Variants in SLC24A3 observed in about 807,000 individuals in gnomAD.
SLC24A3 encodes the protein solute carrier family 24 member 3.
SLC24A3 carries 28 observed loss-of-function variants against 75.8 expected under a neutral mutation model. The ratio of observed to expected loss-of-function variants is 0.37; its 90% CI spans 0.27 to 0.51. The LOEUF is 0.51. Among genes scored for constraint, SLC24A3 ranks in the 20% least tolerant of loss-of-function variants. The probability of loss-of-function intolerance (pLI) is 0.94; values close to 1 mark genes in which losing one functional copy is unlikely to be tolerated. For missense variants in SLC24A3, 663 were observed against 847.8 expected (o/e 0.78, Z 2.71); for synonymous variants, 372 against 334.1 (o/e 1.11, Z -1.24).
chr20:19,625,166 A>C (rs998395048), intron 6 of SLC24A3, among the ~76,000 whole-genome samples: 1 of 152,128 alleles, frequency 6.6e-6, no homozygotes, highest in Admixed American at 6.5e-5. Flanking sequence ...CCTATGAATT[A>C]AAGCAAGATA....
intron 6 of SLC24A3, among the ~76,000 whole-genome samples, chr20:19,602,506 C>T (rs902046185): frequency 3.3e-5 from 5 of 152,162 alleles, no homozygotes; most frequent in African/African-American, 9.7e-5. Context: ...TTTAAAGCTT[C>T]GAAACCACAG....
intron 3 of SLC24A3, among the ~76,000 whole-genome samples, chr20:19,551,242 AC>A (rs1480366041): frequency 6.6e-6 from 1 of 152,190 alleles, no homozygotes; most frequent in Non-Finnish European, 1.5e-5. Flanking sequence ...CATGGAATAA[AC>A]CAGGAAGGCA....
rs576018943 is a variant in SLC24A3 at position 19,604,522 on chromosome 20, T to A, written c.612+18978T>A. ...GGGTCCTGGGGCCTTGGTGAGCAGTTTAGTTGCAATTAGGACAATGATCTA... is the reference window on the plus strand; with the variant it reads ...GGGTCCTGGGGCCTTGGTGAGCAGTATAGTTGCAATTAGGACAATGATCTA... On this transcript the variant is annotated intron_variant, in intron 6 of 16. Transcript: ENST00000328041. Among the ~76,000 whole-genome samples, 3 of 152,226 alleles carry A rather than the reference T, an allele frequency of 2.0e-5. No homozygotes were observed. In the South Asian group the frequency reaches 6.2e-4, roughly 32 times the overall value.
At position 19,539,345 on chromosome 20, in the gene SLC24A3, T is replaced by C. The variant is rs553207840; in HGVS notation, c.348+23781T>C. ...CTCTGGGCAGCAGCTGAAGGTGAAA[T>C]CCTATGCTGGATTTCAGCTGGGGGC... On this transcript the variant is annotated intron_variant, in intron 3 of 16. Transcript: ENST00000328041. Among the ~76,000 whole-genome samples, 7 of 152,120 alleles carry C rather than the reference T, an allele frequency of 4.6e-5. No individual in the cohort carries two copies. In the South Asian group the frequency reaches 1.5e-3, roughly 32 times the overall value.
intron 3 of SLC24A3, among the ~76,000 whole-genome samples, chr20:19,572,738 G>A (rs2031072622): frequency 6.6e-6 from 1 of 152,106 alleles, no homozygotes; most frequent in South Asian, 2.1e-4. Context: ...CTGTGAGACT[G>A]ATCATTTCTC....
intron 3 of SLC24A3, among the ~76,000 whole-genome samples, chr20:19,547,363 T>C (rs1308450177): frequency 6.6e-6 from 1 of 152,174 alleles, no homozygotes; most frequent in Non-Finnish European, 1.5e-5. Flanking sequence ...TAATCATTGG[T>C]GACCTGAAGA....
chr20:19,708,412 C>T (rs1461027877), intron 15 of SLC24A3, among the ~76,000 whole-genome samples: 2 of 152,186 alleles, frequency 1.3e-5, no homozygotes, highest in Non-Finnish European at 2.9e-5. Context: ...TCATTCTCAC[C>T]TTGTATGGCA....
intron 6 of SLC24A3, among the ~76,000 whole-genome samples, chr20:19,624,239 T>A (rs1213790824): frequency 6.6e-6 from 1 of 152,190 alleles, no homozygotes; most frequent in African/African-American, 2.4e-5. Context: ...CCTTGGCCTC[T>A]AAAGGTCATT....
chr20:19,575,763 T>G (rs1433466114), intron 3 of SLC24A3, among the ~76,000 whole-genome samples: 2 of 152,190 alleles, frequency 1.3e-5, no homozygotes, highest in Non-Finnish European at 2.9e-5. Flanking sequence ...TGTCTCATAT[T>G]TTGTAGTGCA....
At chr20:19,527,674 A>T (rs1458502887) in intron 3 of SLC24A3, among the ~76,000 whole-genome samples, 1 of 152,220 alleles carries the variant, frequency 6.6e-6, no homozygotes, top group Non-Finnish European at 1.5e-5. Context: ...GCAAAGATCC[A>T]GGGACAGCAG....
chr20:19,693,271 A>T lies in SLC24A3; in HGVS notation c.1337A>T (p.Glu446Val), dbSNP rs2032767726. The stretch of plus-strand genomic sequence containing the variant: ...TTCATTTTTCCAGCGGGTAAACTGG[A>T]AACAGTGAAATGGGCGTTCACCTGG... ...TPFDTPSGKL[E>V]TVKWAFTWPL... The change falls in exon 13 of 17, where the codon GAA becomes GTA. Residue 446 changes from glutamate (E) to valine (V), a missense_variant. This residue lies in a region of SLC24A3 where 510 missense variants were observed against 703.6 expected (regional missense o/e 0.72). Coordinates refer to ENST00000328041, the MANE Select transcript of SLC24A3 (RefSeq NM_020689.4). 6.2e-7 allele frequency: 1 copy of T among 1,611,298 alleles called. No individual in the cohort carries two copies. Among genetic ancestry groups the T allele is most frequent in the African/African-American group, 1.3e-5 (1 of 74,728 alleles).
chr20:19,632,114 C>T (rs561771180), intron 6 of SLC24A3, among the ~76,000 whole-genome samples: 2 of 152,270 alleles, frequency 1.3e-5, no homozygotes, highest in Admixed American at 1.3e-4. Context: ...AACCTTTCTT[C>T]TCTCAGGAAA....
chr20:19,340,296 G>C (rs899258548), intron 2 of SLC24A3, among the ~76,000 whole-genome samples: 1 of 152,174 alleles, frequency 6.6e-6, no homozygotes, highest in Admixed American at 6.5e-5. Flanking sequence ...GTTGCTGGGA[G>C]GCTGTGCCTG....
chr20:19,258,293 A>G (rs921278243), intron 1 of SLC24A3, among the ~76,000 whole-genome samples: 4 of 152,244 alleles, frequency 2.6e-5, no homozygotes, highest in African/African-American at 9.6e-5. Flanking sequence ...GGCAAGGGGA[A>G]GAGAGCTTTT....
Position 19,213,160 on chromosome 20 carries a change from A to T in SLC24A3, c.142+176A>T, listed in dbSNP as rs188201793. 3.0e-3 allele frequency: 2,064 copies of T among 690,428 alleles called. 11 individuals are homozygous for T. Among genetic ancestry groups the T allele is most frequent in the Middle Eastern group, 0.017 (32 of 1,926 alleles). The allele number at this position is 690,428 out of a possible 1,614,324, so 42.8% of individuals were successfully genotyped here. The stretch of plus-strand genomic sequence containing the variant: ...GACTCCCCCTGCCCCACGCAGAGGC[A>T]TGGAGGTGGGGACCCTGAGCGCCAG... On this transcript the variant is annotated intron_variant, in intron 1 of 16. Coordinates refer to ENST00000328041, the MANE Select transcript of SLC24A3 (RefSeq NM_020689.4).
chr20:19,478,074 G>T (rs1236575771), intron 2 of SLC24A3, among the ~76,000 whole-genome samples: 1 of 152,182 alleles, frequency 6.6e-6, no homozygotes, highest in African/African-American at 2.4e-5. Context: ...ATTGCCATCT[G>T]TCACCTTGGT....
At position 19,709,782 on chromosome 20, in the gene SLC24A3, C is replaced by T. The variant is rs1568707127; in HGVS notation, c.1720-7746C>T. On this transcript the variant is annotated intron_variant, in intron 15 of 16. Coordinates refer to ENST00000328041, the MANE Select transcript of SLC24A3 (RefSeq NM_020689.4). ...CCAACTCTAAATGCAGACCTGACCC[C>T]TCACCAGCTTCGTAAACTTGACTAA... Among the ~76,000 whole-genome samples, 3 of 152,180 alleles carry T rather than the reference C, an allele frequency of 2.0e-5. No individual in the cohort carries two copies. In the East Asian group the frequency reaches 5.8e-4, roughly 29 times the overall value.
At chr20:19,274,104 CA>C (rs1467396049) in intron 1 of SLC24A3, among the ~76,000 whole-genome samples, 2 of 151,508 alleles carry the variant, frequency 1.3e-5, no homozygotes, top group Non-Finnish European at 2.9e-5. Flanking sequence ...GCTCAACTTT[CA>C]ATCTGGTTTT....
intron 6 of SLC24A3, among the ~76,000 whole-genome samples, chr20:19,597,896 A>G (rs929752791): frequency 4.6e-5 from 7 of 152,218 alleles, no homozygotes; most frequent in Admixed American, 3.9e-4. Flanking sequence ...GCTGCAGATG[A>G]CAGCATTTCA....
Sources: gnomAD v4.1 joint callset for allele counts (sites outside exome capture counted in the v4.1 genomes callset) on GRCh38, gnomAD v4.1.1 for gene constraint, gnomAD v4.1.1 regional missense constraint, MANE v1.5 for transcripts, NCBI Gene and HGNC (gene_info 2026-07-23, HGNC 2026-07-21) for gene names.